Variants in ENDOV observed in about 807,000 individuals in gnomAD.
The protein encoded by ENDOV is endonuclease V.
Under a neutral mutation model 39.4 loss-of-function variants are expected in ENDOV, and 37 were observed. The ratio of observed to expected loss-of-function variants is 0.94; its 90% CI spans 0.72 to 1.23. The LOEUF (loss-of-function observed/expected upper bound fraction) is 1.23. Ranked by LOEUF, ENDOV falls within the 50% of genes most tolerant of loss-of-function variation. The probability of loss-of-function intolerance (pLI) is 0.00; values close to 1 mark genes in which losing one functional copy is unlikely to be tolerated. For missense variants in ENDOV, 441 were observed against 375.7 expected (o/e 1.17, Z -1.44); for synonymous variants, 186 against 163.4 (o/e 1.14, Z -1.05).
chr17:80,424,831 T>C (rs539974586), intron 5 of ENDOV, among the ~76,000 whole-genome samples: 23 of 152,282 alleles, frequency 1.5e-4, no homozygotes, highest in African/African-American at 5.1e-4. Flanking sequence ...GGCACATGCC[T>C]GTAGTCCCAG....
intron 7 of ENDOV, among the ~76,000 whole-genome samples, chr17:80,427,041 C>T (rs753002189): frequency 9.8e-5 from 15 of 152,374 alleles, no homozygotes; most frequent in East Asian, 1.9e-4. Flanking sequence ...GCTGCTGGCG[C>T]GCAGTGTGGC....
chr17:80,427,932 C>T, intron 7 of ENDOV: 1 of 1,173,056 alleles, frequency 8.5e-7, no homozygotes, highest in Non-Finnish European at 1.1e-6. Flanking sequence ...TTAGCCGTTG[C>T]TTTCCATGAG....
intron 9 of ENDOV, 97 bp from the exon 10 acceptor site, chr17:80,436,036 C>T (rs369665965): frequency 2.0e-5 from 27 of 1,382,234 alleles, no homozygotes; most frequent in African/African-American, 4.2e-5. Context: ...ATTACAGGCG[C>T]GAGCCACTGC....
chr17:80,434,839 G>A (rs1472294180), intron 9 of ENDOV, among the ~76,000 whole-genome samples: 3 of 152,110 alleles, frequency 2.0e-5, no homozygotes, highest in Non-Finnish European at 2.9e-5. Context: ...ACAGCTACTC[G>A]GGAGGTTGAG....
intron 8 of ENDOV, among the ~76,000 whole-genome samples, chr17:80,428,988 G>A (rs533630900): frequency 9.8e-5 from 15 of 152,350 alleles, no homozygotes; most frequent in African/African-American, 3.1e-4. Context: ...GTACCAGGAC[G>A]TGGGCTCTGC....
chr17:80,426,223 G>A (rs2082668054), intron 7 of ENDOV, among the ~76,000 whole-genome samples: 1 of 152,230 alleles, frequency 6.6e-6, no homozygotes, highest in Non-Finnish European at 1.5e-5. Flanking sequence ...TAGGACCAGG[G>A]GACCACAAGA....
chr17:80,425,222 C>G, intron 6 of ENDOV, 122 bp downstream of exon 6: 1 of 905,266 alleles, frequency 1.1e-6, no homozygotes, highest in Non-Finnish European at 1.7e-6. Flanking sequence ...CCCGCCTGCC[C>G]GTCCATCCAT....
In ENDOV at chr17:80,423,563, G is replaced by A. The variant is rs113736988; in HGVS notation, c.447G>A (p.Pro149=). Residue 149 remains proline (P), a synonymous_variant, in exon 5 of 10, where the codon CCG becomes CCA. Coordinates refer to ENST00000518137, the MANE Select transcript of ENDOV (RefSeq NM_173627.5). The stretch of plus-strand genomic sequence containing the variant: ...ACCTTGGCGTCCTTACAGACCTGCC[G>A]TGTGTTGGGGTGGCCAAGAAACTTC... The part of the protein sequence containing the change: ...ACHLGVLTDL[P]CVGVAKKLLQ... 268 of 1,533,156 alleles carry A rather than the reference G, an allele frequency of 1.7e-4. No homozygotes were observed. In the African/African-American group the frequency reaches 1.8e-3, roughly 10 times the overall value. 95.0% of individuals were successfully genotyped at this position (1,533,156 alleles called of 1,614,324 possible).
chr17:80,423,660 C>G (rs1396943912), intron 5 of ENDOV, 28 bp downstream of exon 5: 8 of 1,542,690 alleles, frequency 5.2e-6, no homozygotes, highest in Non-Finnish European at 6.1e-6. Flanking sequence ...GCAGGCCATG[C>G]CCGGCAGCTC....
intron 9 of ENDOV, among the ~76,000 whole-genome samples, chr17:80,435,063 A>G (rs1011540414): frequency 2.0e-5 from 3 of 152,204 alleles, no homozygotes; most frequent in Admixed American, 6.5e-5. Context: ...CATCTATTCA[A>G]ATCCTTTGCC....
chr17:80,429,996 CT>C (rs1213224714), intron 9 of ENDOV, 165 bp downstream of exon 9: 2 of 1,539,456 alleles, frequency 1.3e-6, no homozygotes, highest in East Asian at 2.4e-5. Flanking sequence ...CTGACCACCC[CT>C]GGGGGTGGTC....
At chr17:80,424,183 C>A in intron 5 of ENDOV, 1 of 399,414 alleles carries the variant, frequency 2.5e-6, no homozygotes, top group South Asian at 1.3e-4. Context: ...CCAGCTGTTT[C>A]ACTGGATGGC....
At chr17:80,423,388 TTCCCCAGCCCTCTGCCTG>T in intron 4 of ENDOV, 114 bp from the exon 5 acceptor site, 1 of 854,310 alleles carries the variant, frequency 1.2e-6, no homozygotes, top group Non-Finnish European at 1.8e-6. Flanking sequence ...TAGATCTGGT[TTCCCCAGCCCTCTGCCTG>T]TCCACAGACC....
intron 5 of ENDOV, 58 bp from the exon 6 acceptor site, chr17:80,424,974 T>C: frequency 6.9e-7 from 1 of 1,442,292 alleles, no homozygotes; most frequent in Non-Finnish European, 9.6e-7. Flanking sequence ...AGACTTGCCT[T>C]CAGCCCTTCA....
chr17:80,421,592 G>C (rs971643045), intron 2 of ENDOV, among the ~76,000 whole-genome samples: 9 of 148,688 alleles, frequency 6.1e-5, no homozygotes, highest in Non-Finnish European at 1.0e-4. Flanking sequence ...CCAGGTCCTG[G>C]GGGGGTCTGC....
At chr17:80,431,264 C>T (rs1027398499) in intron 9 of ENDOV, among the ~76,000 whole-genome samples, 2 of 152,184 alleles carry the variant, frequency 1.3e-5, no homozygotes, top group Non-Finnish European at 2.9e-5. Flanking sequence ...CAGGCAGCAG[C>T]ACTCAGGGCC....
chr17:80,432,478 C>T (rs536605919), intron 9 of ENDOV, among the ~76,000 whole-genome samples: 2 of 152,242 alleles, frequency 1.3e-5, no homozygotes, highest in African/African-American at 4.8e-5. Flanking sequence ...CACAAGCAGG[C>T]TGGGCTGGGC....
intron 9 of ENDOV, chr17:80,430,205 G>T: frequency 6.8e-7 from 1 of 1,472,324 alleles, no homozygotes; most frequent in African/African-American, 1.4e-5. Context: ...CTCTATGGGG[G>T]CAAGTGCCAG....
intron 5 of ENDOV, among the ~76,000 whole-genome samples, chr17:80,424,550 C>A (rs979693461): frequency 1.3e-5 from 2 of 152,254 alleles, no homozygotes; most frequent in Non-Finnish European, 2.9e-5. Flanking sequence ...AAGACCACTT[C>A]ACCGCCTGCA....
Sources: gnomAD v4.1 joint callset for allele counts (sites outside exome capture counted in the v4.1 genomes callset) on GRCh38, gnomAD v4.1.1 for gene constraint, MANE v1.5 for transcripts, NCBI Gene and HGNC (gene_info 2026-07-23, HGNC 2026-07-21) for gene names.